TRAPPC9: variants seen among roughly 807,000 people sequenced by gnomAD.
TRAPPC9 encodes trafficking protein particle complex subunit 9, also known as IKK2 binding protein.
A neutral mutation model predicts 124.0 loss-of-function variants in TRAPPC9; 83 were observed. The ratio of observed to expected loss-of-function variants is 0.67; its 90% CI spans 0.56 to 0.80. The LOEUF is 0.80. Among genes scored for constraint, TRAPPC9 ranks in the 30% least tolerant of loss-of-function variants. The probability of loss-of-function intolerance (pLI) is 0.00; values close to 1 mark genes in which losing one functional copy is unlikely to be tolerated. For synonymous variants in TRAPPC9, 638 were observed against 617.5 expected, an observed-to-expected ratio of 1.03 and a Z score of -0.49; for missense variants, 1,302 against 1,508.3, an observed-to-expected ratio of 0.86 and a Z score of 2.27.
chr8:139,954,764 G>C (rs1009655270), intron 19 of TRAPPC9, among the ~76,000 whole-genome samples: 1 of 152,190 alleles, frequency 6.6e-6, no homozygotes, highest in Non-Finnish European at 1.5e-5. Flanking sequence ...TGACACTCAA[G>C]TGACATCACA....
At chr8:140,092,703 T>C (rs776844998) in intron 17 of TRAPPC9, among the ~76,000 whole-genome samples, 8 of 152,200 alleles carry the variant, frequency 5.3e-5, no homozygotes, top group Non-Finnish European at 8.8e-5. Context: ...TGGTGACAAA[T>C]GGATGATGGA....
chr8:139,975,625 C>A (rs1481001885), intron 19 of TRAPPC9, among the ~76,000 whole-genome samples: 2 of 152,220 alleles, frequency 1.3e-5, no homozygotes, highest in Non-Finnish European at 2.9e-5. Flanking sequence ...AACCTGCCAG[C>A]CAAGGTCCTC....
chr8:139,897,199 C>A (rs2131192811), intron 20 of TRAPPC9, among the ~76,000 whole-genome samples: 1 of 152,346 alleles, frequency 6.6e-6, no homozygotes, highest in Admixed American at 6.5e-5. Context: ...CACTTTCTGC[C>A]TCAGAGACAC....
intron 16 of TRAPPC9, among the ~76,000 whole-genome samples, chr8:140,234,975 A>AT (rs796819243): frequency 1.1e-4 from 16 of 151,182 alleles, no homozygotes; most frequent in African/African-American, 3.2e-4. Context: ...AAAATTTACA[A>AT]TTTTTTTTTT....
chr8:140,276,451 C>G (rs995314739), intron 14 of TRAPPC9, among the ~76,000 whole-genome samples: 5 of 152,178 alleles, frequency 3.3e-5, no homozygotes, highest in African/African-American at 1.2e-4. Context: ...AGGCCCTGGA[C>G]TACGGGACAG....
At chr8:140,155,889 C>T (rs1408363817) in intron 17 of TRAPPC9, among the ~76,000 whole-genome samples, 1 of 152,170 alleles carries the variant, frequency 6.6e-6, no homozygotes, top group Non-Finnish European at 1.5e-5. Flanking sequence ...TATCTGAGAG[C>T]CACTACTGAC....
At chr8:140,268,382 A>T (rs2064761095) in intron 15 of TRAPPC9, among the ~76,000 whole-genome samples, 1 of 152,202 alleles carries the variant, frequency 6.6e-6, no homozygotes, top group South Asian at 2.1e-4. Flanking sequence ...AGTGACAGGA[A>T]TTACTCCCTT....
At chr8:140,112,112 C>T (rs1375089303) in intron 17 of TRAPPC9, among the ~76,000 whole-genome samples, 1 of 152,262 alleles carries the variant, frequency 6.6e-6, no homozygotes. Context: ...CAACGGGAAG[C>T]TTTGGCTCGC....
intron 9 of TRAPPC9, among the ~76,000 whole-genome samples, chr8:140,322,509 C>G (rs923081520): frequency 6.6e-6 from 1 of 152,152 alleles, no homozygotes; most frequent in Non-Finnish European, 1.5e-5. Context: ...AGAGCAAGCA[C>G]TTTTTAAATA....
intron 21 of TRAPPC9, among the ~76,000 whole-genome samples, chr8:139,811,689 G>A (rs1824454569): frequency 6.6e-6 from 1 of 152,202 alleles, no homozygotes; most frequent in Non-Finnish European, 1.5e-5. Context: ...TAAGAAATGA[G>A]AGCAACACCT....
At chr8:140,115,940 C>T (rs751660023) in intron 17 of TRAPPC9, among the ~76,000 whole-genome samples, 9 of 152,104 alleles carry the variant, frequency 5.9e-5, no homozygotes, top group South Asian at 2.1e-4. Context: ...ACAACAGGTG[C>T]GGATTATGAT....
At chr8:140,081,248 C>T (rs1013365661) in intron 17 of TRAPPC9, among the ~76,000 whole-genome samples, 3 of 152,190 alleles carry the variant, frequency 2.0e-5, no homozygotes, top group African/African-American at 7.2e-5. Flanking sequence ...AGCCTGGAAT[C>T]CCAGCTCTGG....
At chr8:140,072,370 A>C (rs909286231) in intron 17 of TRAPPC9, among the ~76,000 whole-genome samples, 5 of 152,170 alleles carry the variant, frequency 3.3e-5, no homozygotes, top group Non-Finnish European at 1.5e-5. Flanking sequence ...GTCTCTACTA[A>C]AAATACAAAA....
chr8:140,438,217 T>C (rs1164915002), intron 3 of TRAPPC9, among the ~76,000 whole-genome samples: 1 of 152,164 alleles, frequency 6.6e-6, no homozygotes, highest in East Asian at 1.9e-4. Context: ...TTCTATAGAT[T>C]TGCCTATTCT....
intron 9 of TRAPPC9, among the ~76,000 whole-genome samples, chr8:140,344,921 G>A (rs994863326): frequency 1.3e-5 from 2 of 152,256 alleles, no homozygotes; most frequent in South Asian, 2.1e-4. Flanking sequence ...GATGTGCTGA[G>A]GCAGTGAAGC....
At chr8:140,150,109 T>C (rs1056842930) in intron 17 of TRAPPC9, among the ~76,000 whole-genome samples, 2 of 152,168 alleles carry the variant, frequency 1.3e-5, no homozygotes, top group Non-Finnish European at 2.9e-5. Flanking sequence ...GATCAGGTCT[T>C]AAGGGCTTAG....
At chr8:140,429,137 A>G (rs1454059604) in intron 4 of TRAPPC9, among the ~76,000 whole-genome samples, 1 of 149,212 alleles carries the variant, frequency 6.7e-6, no homozygotes, top group Non-Finnish European at 1.5e-5. Context: ...GCTGGAGTGC[A>G]GTGGCACAAT....
intron 21 of TRAPPC9, among the ~76,000 whole-genome samples, chr8:139,798,694 G>T (rs1823268329): frequency 6.6e-6 from 1 of 152,240 alleles, no homozygotes; most frequent in Admixed American, 6.5e-5. Context: ...CTCTTCTGAA[G>T]CTCAGGGTCC....
chr8:140,102,354 A>C (rs2060595234), intron 17 of TRAPPC9, among the ~76,000 whole-genome samples: 2 of 152,202 alleles, frequency 1.3e-5, no homozygotes, highest in Admixed American at 1.3e-4. Flanking sequence ...ATTTAATGGA[A>C]AATCTTAGCC....
Sources: gnomAD v4.1 joint callset for allele counts (sites outside exome capture counted in the v4.1 genomes callset) on GRCh38, gnomAD v4.1.1 for gene constraint, MANE v1.5 for transcripts, NCBI Gene and HGNC (gene_info 2026-07-23, HGNC 2026-07-21) for gene names.